The following DENND4C variants were observed in gnomAD, a reference collection of about 807,000 sequenced individuals.
DENND4C encodes DENN domain containing 4C.
Under a neutral mutation model 203.0 loss-of-function variants are expected in DENND4C, and 108 were observed. That is an observed-to-expected ratio of 0.53 (90% CI 0.46 to 0.62). The LOEUF is 0.62. DENND4C is among the 20% of genes least tolerant of loss of function. The pLI, the probability that DENND4C is intolerant of heterozygous loss-of-function variation, is 0.00. For missense variants in DENND4C, 2,481 were observed against 2,301.2 expected (o/e 1.08, Z -1.60); for synonymous variants, 871 against 792.4 (o/e 1.10, Z -1.67).
chr9:19,238,252 T>C (rs1042193017), intron 1 of DENND4C, among the ~76,000 whole-genome samples: 1 of 151,438 alleles, frequency 6.6e-6, no homozygotes, highest in Admixed American at 6.6e-5. Flanking sequence ...CCGGCTAATA[T>C]TGTATTTTTA....
At chr9:19,259,107 A>G (rs545368161) in intron 1 of DENND4C, among the ~76,000 whole-genome samples, 76 of 152,150 alleles carry the variant, frequency 5.0e-4, no homozygotes, top group Middle Eastern at 6.8e-3. Context: ...GAACATTCCA[A>G]TGGTACTTTT....
intron 1 of DENND4C, among the ~76,000 whole-genome samples, chr9:19,253,800 A>G (rs992661507): frequency 2.0e-5 from 3 of 152,132 alleles, no homozygotes. Context: ...TGAAGTTAAT[A>G]GTGTTTTGTT....
intron 32 of DENND4C, 92 bp from the exon 33 acceptor site, chr9:19,371,945 A>C (rs1828916678): frequency 7.2e-7 from 1 of 1,380,274 alleles, no homozygotes; most frequent in African/African-American, 1.5e-5. Flanking sequence ...ATATAGTTCA[A>C]ATACATATAA....
At chr9:19,276,615 A>C in intron 2 of DENND4C, 136 bp downstream of exon 2, 1 of 502,536 alleles carries the variant, frequency 2.0e-6, no homozygotes, top group Non-Finnish European at 3.1e-6. Flanking sequence ...TGGTTACTTC[A>C]GGATTCATTA....
chr9:19,262,294 G>T (rs1829573585), intron 1 of DENND4C, among the ~76,000 whole-genome samples: 1 of 151,636 alleles, frequency 6.6e-6, no homozygotes, highest in African/African-American at 2.4e-5. Flanking sequence ...CACCATGTTG[G>T]CCAGGCTGGT....
intron 13 of DENND4C, 60 bp downstream of exon 13, chr9:19,324,567 A>G: frequency 3.3e-6 from 5 of 1,515,986 alleles, no homozygotes; most frequent in Admixed American, 2.1e-5. Flanking sequence ...CTGTGTAATT[A>G]TCATTGTTAT....
At chr9:19,320,677 G>A (rs1452897343) in intron 12 of DENND4C, among the ~76,000 whole-genome samples, 2 of 152,178 alleles carry the variant, frequency 1.3e-5, no homozygotes, top group Non-Finnish European at 2.9e-5. Flanking sequence ...AATACGTGGT[G>A]CTCACTTCTT....
At chr9:19,330,335 T>TTG (rs1491353110) in intron 16 of DENND4C, among the ~76,000 whole-genome samples, 2 of 44,902 alleles carry the variant, frequency 4.5e-5, no homozygotes, top group Non-Finnish European at 8.4e-5. Flanking sequence ...CCAAGTTGGT[T>TTG]TTTTTTTTTT....
chr9:19,360,498 C>T lies in DENND4C; in HGVS notation c.5406+9C>T. On this transcript the variant is annotated intron_variant, in intron 29 of 32. Coordinates refer to ENST00000434457, the MANE Select transcript of DENND4C (RefSeq NM_001330640.2). Reference sequence around the variant, plus strand: ...GTAATGAAGGTGTACAGGTAGGGTGCCAACTTTTATACTTACATTAGTATT... The same window carrying T: ...GTAATGAAGGTGTACAGGTAGGGTGTCAACTTTTATACTTACATTAGTATT... 6.2e-7 allele frequency: 1 copy of T among 1,613,824 alleles called. No homozygotes were observed.
At chr9:19,294,062 C>A (rs1381508819) in intron 5 of DENND4C, among the ~76,000 whole-genome samples, 1 of 151,944 alleles carries the variant, frequency 6.6e-6, no homozygotes. Context: ...GTTTGAGATG[C>A]CTGTATGACA....
At chr9:19,360,220 A>C in intron 28 of DENND4C, 24 bp from the exon 29 acceptor site, 1 of 1,604,484 alleles carries the variant, frequency 6.2e-7, no homozygotes, top group Non-Finnish European at 8.5e-7. Flanking sequence ...GATAATATTA[A>C]TTTCTTTTTG....
intron 3 of DENND4C, 48 bp downstream of exon 3, chr9:19,287,069 G>C: frequency 2.4e-6 from 3 of 1,228,372 alleles, no homozygotes; most frequent in Non-Finnish European, 3.0e-6. Context: ...AACCAAAAAG[G>C]GATACGTTTT....
At chr9:19,340,697 G>T (rs1180400463) in intron 20 of DENND4C, among the ~76,000 whole-genome samples, 1 of 152,150 alleles carries the variant, frequency 6.6e-6, no homozygotes, top group Non-Finnish European at 1.5e-5. Context: ...TTAGCATTCT[G>T]TAGACACGGT....
At chr9:19,311,783 C>T (rs1840788758) in intron 10 of DENND4C, among the ~76,000 whole-genome samples, 1 of 151,948 alleles carries the variant, frequency 6.6e-6, no homozygotes, top group Admixed American at 6.6e-5. Context: ...AAATAGCATG[C>T]TATTTGAGGA....
intron 1 of DENND4C, among the ~76,000 whole-genome samples, chr9:19,255,996 G>A (rs1460987850): frequency 6.6e-6 from 1 of 151,986 alleles, no homozygotes; most frequent in African/African-American, 2.4e-5. Context: ...CCAGCACTTT[G>A]GGAGGCCAGG....
chr9:19,366,867 AAAAG>A (rs748830557), intron 30 of DENND4C, among the ~76,000 whole-genome samples: 18 of 152,050 alleles, frequency 1.2e-4, no homozygotes, highest in African/African-American at 4.4e-4. Context: ...GGATTTAGTC[AAAAG>A]AAAGAACTTC....
chr9:19,263,657 ATT>A (rs111309104), intron 1 of DENND4C, among the ~76,000 whole-genome samples: 6 of 99,264 alleles, frequency 6.0e-5, no homozygotes, highest in African/African-American at 7.1e-5. Context: ...TTTTCTTCCC[ATT>A]TTTTTTTTTT....
intron 1 of DENND4C, among the ~76,000 whole-genome samples, chr9:19,271,601 C>T (rs988949149): frequency 1.3e-5 from 2 of 152,124 alleles, no homozygotes; most frequent in Admixed American, 6.6e-5. Flanking sequence ...TGAGGTGGCT[C>T]ACGCCTGTAA....
At chr9:19,337,191 G>A (rs756508509) in intron 20 of DENND4C, among the ~76,000 whole-genome samples, 1 of 152,152 alleles carries the variant, frequency 6.6e-6, no homozygotes, top group Non-Finnish European at 1.5e-5. Context: ...AAAACTTCAA[G>A]AGTATGAATA....
Sources: gnomAD v4.1 joint callset for allele counts (sites outside exome capture counted in the v4.1 genomes callset) on GRCh38, gnomAD v4.1.1 for gene constraint, MANE v1.5 for transcripts, NCBI Gene and HGNC (gene_info 2026-07-23, HGNC 2026-07-21) for gene names.